Variants in MDM4 observed in about 807,000 individuals in gnomAD.
MDM4 encodes the protein MDM4 regulator of p53.
A neutral mutation model predicts 60.2 loss-of-function variants in MDM4; 2 were observed. The observed-to-expected ratio is 0.03, with a 90% CI of 0.01 to 0.10. The LOEUF (loss-of-function observed/expected upper bound fraction) is 0.10. Ranked by LOEUF, MDM4 falls within the 10% of genes least tolerant of loss-of-function variation. The probability of loss-of-function intolerance (pLI) is 1.00; values close to 1 mark genes in which losing one functional copy is unlikely to be tolerated. For synonymous variants in MDM4, 202 were observed against 198.1 expected (o/e 1.02, Z -0.17); for missense variants, 447 against 577.5 (o/e 0.77, Z 2.32).
intron 5 of MDM4, among the ~76,000 whole-genome samples, chr1:204,533,047 C>A (rs1290083391): frequency 1.3e-5 from 2 of 152,154 alleles, no homozygotes; most frequent in Admixed American, 6.6e-5. Context: ...CCATCTGTTA[C>A]ACAGGTCACT....
chr1:204,518,770 ATTC>A (rs1023029205), intron 1 of MDM4, among the ~76,000 whole-genome samples: 3 of 152,190 alleles, frequency 2.0e-5, no homozygotes, highest in African/African-American at 7.2e-5. Context: ...GGTTCAAGCT[ATTC>A]TTCTGCCGCA....
rs1558341354 is a variant in MDM4 at position 204,551,459 on chromosome 1, CTCTTTTTT to C, written c.*1779_*1786del. On this transcript the variant is annotated 3_prime_UTR_variant, in exon 11 of 11. Transcript: ENST00000367182. ...ATATACTGGATGGTTGAGAGGCAGC[CTCTTTTTT>C]TTTTTTTTTTTTTTTTTTTTTTTGG... The C allele has an allele frequency of 9.7e-4, 147 of 151,700 alleles. 1 individual carries two copies. The highest frequency in any genetic ancestry group is 1.4e-3 in the Non-Finnish European group (128 of 90,830). The allele number at this position is 151,700 out of a possible 1,614,324, so 9.4% of individuals were successfully genotyped here. A position where few individuals can be genotyped will look rare whatever the true frequency, so the allele number is the denominator to read the frequency against.
At chr1:204,529,101 C>T in intron 3 of MDM4, 2 of 1,324,874 alleles carry the variant, frequency 1.5e-6, no homozygotes, top group Middle Eastern at 2.2e-4. Flanking sequence ...GCTAATGGAG[C>T]CTGAGTTGTC....
At chr1:204,532,511 A>G in intron 5 of MDM4, 1 of 554,444 alleles carries the variant, frequency 1.8e-6, no homozygotes, top group East Asian at 3.0e-5. Flanking sequence ...AAAAATCTCT[A>G]GCAGATAAGG....
intron 1 of MDM4, among the ~76,000 whole-genome samples, chr1:204,521,730 A>G (rs1223271360): frequency 6.6e-6 from 1 of 152,188 alleles, no homozygotes; most frequent in East Asian, 1.9e-4. Flanking sequence ...CGGTCTGCAC[A>G]TTATAATTAA....
Position 204,556,054 on chromosome 1 carries a change from TG to T in MDM4, c.*6375del. On this transcript the variant is annotated 3_prime_UTR_variant, in exon 11 of 11. Transcript: ENST00000367182. ...AAAACAGCATTTTAAAGTAACTTTT[TG>T]GGAGACTGATTTGAGTAATAATAAA... 4.6e-6 allele frequency: 1 copy of T among 218,218 alleles called. No individual in the cohort carries two copies. Among genetic ancestry groups the T allele is most frequent in the East Asian group, 6.8e-5 (1 of 14,638 alleles). The allele number at this position is 218,218 out of a possible 1,614,324, so 13.5% of individuals were successfully genotyped here. A position where few individuals can be genotyped will look rare whatever the true frequency, so the allele number is the denominator to read the frequency against.
intron 3 of MDM4, chr1:204,529,652 C>T: frequency 1.2e-6 from 1 of 803,170 alleles, no homozygotes; most frequent in South Asian, 2.0e-5. Flanking sequence ...TGGCGCTTGC[C>T]CTGCATCTCC....
intron 5 of MDM4, among the ~76,000 whole-genome samples, chr1:204,536,158 A>T (rs1446882970): frequency 1.3e-5 from 2 of 152,184 alleles, no homozygotes; most frequent in African/African-American, 4.8e-5. Context: ...AGGCTGAGGC[A>T]GGAGAATCAC....
Position 204,551,781 on chromosome 1 carries a change from T to C in MDM4, c.*2099T>C. On this transcript the variant is annotated 3_prime_UTR_variant, in exon 11 of 11. Coordinates refer to ENST00000367182, the MANE Select transcript of MDM4 (RefSeq NM_002393.5). ...AAATGTCCAAACGTGCAGAGACTGA[T>C]CTTTGAGATCTGGACCAGGAATTTG... is the stretch of plus-strand genomic sequence containing the variant. 4.4e-6 allele frequency: 1 copy of C among 225,508 alleles called. No individual in the cohort carries two copies. The highest frequency in any genetic ancestry group is 6.4e-5 in the East Asian group (1 of 15,638). 14.0% of individuals were successfully genotyped at this position (225,508 alleles called of 1,614,324 possible).
chr1:204,537,991 G>C (rs1661590341), intron 6 of MDM4: 1 of 754,744 alleles, frequency 1.3e-6, no homozygotes, highest in Non-Finnish European at 2.5e-6. Flanking sequence ...TTTGTGCAGA[G>C]GTTTTTTTTC....
At chr1:204,538,727 T>A (rs1661680034) in intron 7 of MDM4, among the ~76,000 whole-genome samples, 1 of 149,700 alleles carries the variant, frequency 6.7e-6, no homozygotes, top group Non-Finnish European at 1.5e-5. Flanking sequence ...TTTTTTGGAG[T>A]CAGAGTTTCC....
At chr1:204,536,171 G>C (rs1001294945) in intron 5 of MDM4, among the ~76,000 whole-genome samples, 2 of 152,186 alleles carry the variant, frequency 1.3e-5, no homozygotes, top group African/African-American at 4.8e-5. Flanking sequence ...AGAATCACTT[G>C]AGCCAGGGAG....
intron 9 of MDM4, among the ~76,000 whole-genome samples, chr1:204,546,405 G>A (rs1188526989): frequency 6.6e-6 from 1 of 152,020 alleles, no homozygotes; most frequent in Non-Finnish European, 1.5e-5. Flanking sequence ...GTCTTGCTCT[G>A]TTGCCTAGGC....
intron 2 of MDM4, 104 bp from the exon 3 acceptor site, chr1:204,526,256 A>C (rs1012976628): frequency 2.0e-6 from 2 of 1,021,158 alleles, no homozygotes; most frequent in Non-Finnish European, 3.0e-6. Flanking sequence ...ACCTTGCCTC[A>C]AAAAACAAAA....
intron 5 of MDM4, chr1:204,536,842 GAC>G (rs1378036080): frequency 4.6e-6 from 1 of 216,178 alleles, no homozygotes; most frequent in African/African-American, 2.4e-5. Context: ...GGAAAAATAA[GAC>G]AATGAAAAAA....
chr1:204,530,550 T>A, intron 3 of MDM4, 134 bp from the exon 4 acceptor site: 1 of 1,165,380 alleles, frequency 8.6e-7, no homozygotes, highest in Non-Finnish European at 1.2e-6. Flanking sequence ...GTAGGACCCC[T>A]TACACAAACT....
chr1:204,532,467 G>A, intron 5 of MDM4: 3 of 562,210 alleles, frequency 5.3e-6, no homozygotes, highest in South Asian at 5.0e-5. Flanking sequence ...TACTGTTAAC[G>A]TTTTGTCATA....
intron 7 of MDM4, among the ~76,000 whole-genome samples, chr1:204,538,868 G>C (rs1051088148): frequency 2.7e-4 from 30 of 110,788 alleles, no homozygotes; most frequent in African/African-American, 8.5e-4. Context: ...ACCACGCCTG[G>C]CTTTTTTTTT....
intron 1 of MDM4, among the ~76,000 whole-genome samples, chr1:204,524,108 G>A (rs375820037): frequency 2.6e-5 from 4 of 152,160 alleles, no homozygotes; most frequent in Admixed American, 6.5e-5. Flanking sequence ...TTACTGAAAC[G>A]AGGGGCAAGG....
Sources: allele counts gnomAD v4.1 joint callset (sites outside exome capture counted in the v4.1 genomes callset), GRCh38; gene constraint gnomAD v4.1.1; transcripts MANE v1.5; gene names NCBI Gene and HGNC (gene_info 2026-07-23, HGNC 2026-07-21).